The following C9orf153 variants were observed in gnomAD, a reference collection of about 807,000 sequenced individuals.
C9orf153 encodes the protein chromosome 9 open reading frame 153, also known as uncharacterized protein C9orf153.
In C9orf153, 10 loss-of-function variants were observed where a neutral mutation model predicts 9.0. The ratio of observed to expected loss-of-function variants is 1.11; its 90% CI spans 0.69 to 1.89. The LOEUF (loss-of-function observed/expected upper bound fraction) is 1.89, where lower values mean the gene tolerates loss of function less well. Ranked by LOEUF, C9orf153 falls within the 40% of genes most tolerant of loss-of-function variation. The pLI is 0.00. For missense variants in C9orf153, 108 were observed against 111.0 expected, an observed-to-expected ratio of 0.97 and a Z score of 0.12; for synonymous variants, 35 against 37.3, an observed-to-expected ratio of 0.94 and a Z score of 0.23.
Position 86,229,747 on chromosome 9 carries a change from T to C in C9orf153, c.-26-118A>G, listed in dbSNP as rs138750810. 103 of 608,560 alleles carry C rather than the reference T, an allele frequency of 1.7e-4. 1 individual carries two copies. Among genetic ancestry groups the C allele is most frequent in the African/African-American group, 1.7e-3 (90 of 53,796 alleles). The allele number at this position is 608,560 out of a possible 1,614,324, so 37.7% of individuals were successfully genotyped here. A position where few individuals can be genotyped will look rare whatever the true frequency, so the allele number is the denominator to read the frequency against. On this transcript the variant is annotated intron_variant, in intron 1 of 3. Transcript: ENST00000339137. Reference sequence around the variant, plus strand: ...ATTTGTGAGTGGGACATTTTGAAAATTTTATACCTGTATTAGTCCATTCTT... The same window carrying C: ...ATTTGTGAGTGGGACATTTTGAAAACTTTATACCTGTATTAGTCCATTCTT...
intron 1 of C9orf153, among the ~76,000 whole-genome samples, chr9:86,252,106 C>T (rs1364416826): frequency 1.3e-5 from 2 of 152,180 alleles, no homozygotes; most frequent in African/African-American, 4.8e-5. Context: ...ACCACCTTGG[C>T]TCACTGCAAC....
intron 3 of C9orf153, among the ~76,000 whole-genome samples, chr9:86,226,166 G>A (rs963545710): frequency 6.6e-6 from 1 of 152,100 alleles, no homozygotes; most frequent in Non-Finnish European, 1.5e-5. Context: ...CTTAGGCAAC[G>A]TAGGACTCTA....
chr9:86,233,089 C>A (rs890696110), intron 1 of C9orf153, among the ~76,000 whole-genome samples: 2 of 152,118 alleles, frequency 1.3e-5, no homozygotes, highest in Non-Finnish European at 2.9e-5. Flanking sequence ...TCCCTTCCAA[C>A]AACAACTCCT....
At position 86,221,555 on chromosome 9, in the gene C9orf153, GA is replaced by G. The variant is rs1056247248; in HGVS notation, c.*132del. The stretch of plus-strand genomic sequence containing the variant: ...TTTGATAATCAATTTGAGGATAAAT[GA>G]CCAAAGACTTGCGAACTATAGGGGG... On this transcript the variant is annotated 3_prime_UTR_variant, in exon 4 of 4. Transcript: ENST00000339137. 1.5e-6 allele frequency: 2 copies of G among 1,350,144 alleles called. No homozygotes were observed. Among genetic ancestry groups the G allele is most frequent in the Non-Finnish European group, 9.5e-7 (1 of 1,048,514 alleles). The allele number at this position is 1,350,144 out of a possible 1,614,324, so 83.6% of individuals were successfully genotyped here. A position where few individuals can be genotyped will look rare whatever the true frequency, so the allele number is the denominator to read the frequency against.
Position 86,221,657 on chromosome 9 carries a change from T to C in C9orf153, c.*31A>G, listed in dbSNP as rs1357469272. ...TGTATTTTATGTCTCCGAATGAAAT[T>C]GCAGTAGTGCGCCTCCACTTCGCAA... On this transcript the variant is annotated 3_prime_UTR_variant, in exon 4 of 4. Transcript: ENST00000339137. The C allele has an allele frequency of 4.5e-6, 7 of 1,544,774 alleles. No homozygotes were observed. In the East Asian group the frequency reaches 9.9e-5, roughly 22 times the overall value.
intron 1 of C9orf153, among the ~76,000 whole-genome samples, chr9:86,247,646 C>T (rs965628693): frequency 3.9e-5 from 6 of 152,142 alleles, no homozygotes; most frequent in African/African-American, 1.2e-4. Flanking sequence ...TGCCTCTCCA[C>T]ACCAGCCTGG....
intron 1 of C9orf153, among the ~76,000 whole-genome samples, chr9:86,231,542 A>C (rs1281781387): frequency 2.0e-5 from 3 of 148,574 alleles, no homozygotes; most frequent in African/African-American, 7.8e-5. Context: ...AAGTAGAAAA[A>C]CCCAGAATGG....
intron 1 of C9orf153, among the ~76,000 whole-genome samples, chr9:86,237,228 C>T (rs7849255): frequency 0.32 from 48,369 of 151,822 alleles, 7,889 homozygotes; most frequent in African/African-American, 0.38. Context: ...TATAAAATGG[C>T]CTATTAAAAC....
intron 1 of C9orf153, among the ~76,000 whole-genome samples, chr9:86,241,717 C>T (rs1212534258): frequency 6.6e-6 from 1 of 152,172 alleles, no homozygotes; most frequent in East Asian, 1.9e-4. Context: ...CCTCCACCTC[C>T]TGGGTTCAAG....
intron 2 of C9orf153, 89 bp from the exon 3 acceptor site, chr9:86,228,119 A>G (rs1033437983): frequency 1.3e-5 from 12 of 909,942 alleles, no homozygotes; most frequent in Non-Finnish European, 1.6e-5. Flanking sequence ...AAACCATAGG[A>G]CAATAAATAA....
At chr9:86,251,856 A>G (rs903662699) in intron 1 of C9orf153, among the ~76,000 whole-genome samples, 3 of 151,432 alleles carry the variant, frequency 2.0e-5, no homozygotes, top group African/African-American at 7.3e-5. Context: ...TTTAAACAAG[A>G]TTTCCAGGTA....
intron 1 of C9orf153, among the ~76,000 whole-genome samples, chr9:86,241,998 T>C (rs1564001798): frequency 6.6e-6 from 1 of 152,162 alleles, no homozygotes; most frequent in Non-Finnish European, 1.5e-5. Context: ...ATTCGTAAGT[T>C]TGAAAGCCAT....
At position 86,221,065 on chromosome 9, in the gene C9orf153, T is replaced by G. The variant is rs1302406429; in HGVS notation, c.*623A>C. 1 of 152,226 alleles carries G rather than the reference T, an allele frequency of 6.6e-6. No homozygotes were observed. Among genetic ancestry groups the G allele is most frequent in the African/African-American group, 2.4e-5 (1 of 41,472 alleles). The allele number at this position is 152,226 out of a possible 1,614,324, so 9.4% of individuals were successfully genotyped here. A position where few individuals can be genotyped will look rare whatever the true frequency, so the allele number is the denominator to read the frequency against. On this transcript the variant is annotated 3_prime_UTR_variant, in exon 4 of 4. Coordinates refer to ENST00000339137, the MANE Select transcript of C9orf153 (RefSeq NM_001276366.4). ...TTCTGTTCTTATTTCATGGATGCTGTTTCCTTCTTTGTCACTGGACAGTTA... is the reference window on the plus strand; with the variant it reads ...TTCTGTTCTTATTTCATGGATGCTGGTTCCTTCTTTGTCACTGGACAGTTA...
intron 1 of C9orf153, among the ~76,000 whole-genome samples, chr9:86,247,010 C>T (rs952561411): frequency 1.3e-5 from 2 of 152,170 alleles, no homozygotes; most frequent in African/African-American, 2.4e-5. Flanking sequence ...CCACTTCCTG[C>T]GAGTTCACAC....
intron 1 of C9orf153, among the ~76,000 whole-genome samples, chr9:86,234,967 G>A (rs781670458): frequency 6.6e-6 from 1 of 152,192 alleles, no homozygotes; most frequent in Admixed American, 6.5e-5. Context: ...TGGCAGAGAA[G>A]TAAGGTCACA....
chr9:86,227,599 G>A (rs1415470402), intron 3 of C9orf153: 6 of 985,254 alleles, frequency 6.1e-6, no homozygotes, highest in Non-Finnish European at 7.2e-6. Context: ...ACTTTTCTGG[G>A]GTGGCACTGG....
chr9:86,257,271 T>A (rs878978077), intron 1 of C9orf153, among the ~76,000 whole-genome samples: 5 of 152,226 alleles, frequency 3.3e-5, no homozygotes, highest in Admixed American at 3.3e-4. Flanking sequence ...AAAGCACCTG[T>A]GGCTCACTGC....
At chr9:86,227,803 G>A in intron 3 of C9orf153, 52 bp downstream of exon 3, 2 of 1,564,210 alleles carry the variant, frequency 1.3e-6, no homozygotes, top group South Asian at 1.2e-5. Context: ...GTAAGCTGCG[G>A]TAGAGGAGCT....
chr9:86,248,287 C>T (rs1698148697), intron 1 of C9orf153, among the ~76,000 whole-genome samples: 1 of 151,986 alleles, frequency 6.6e-6, no homozygotes, highest in South Asian at 2.1e-4. Context: ...GTGCCTGCCA[C>T]CACCCCCGGC....
Sources: allele counts gnomAD v4.1 joint callset (sites outside exome capture counted in the v4.1 genomes callset), GRCh38; gene constraint gnomAD v4.1.1; transcripts MANE v1.5; gene names NCBI Gene and HGNC (gene_info 2026-07-23, HGNC 2026-07-21).